The following USH2A variants were observed in gnomAD, a reference collection of about 807,000 sequenced individuals.
USH2A encodes usherin.
In USH2A, 443 loss-of-function variants were observed where a neutral mutation model predicts 538.9. That is an observed-to-expected ratio of 0.82 (90% CI 0.76 to 0.89). The LOEUF (loss-of-function observed/expected upper bound fraction) is 0.89, where lower values mean the gene tolerates loss of function less well. USH2A is among the 40% of genes least tolerant of loss of function. The pLI is 0.00. For synonymous variants in USH2A, 2,413 were observed against 2,273.5 expected, an observed-to-expected ratio of 1.06 and a Z score of -1.75; for missense variants, 6,633 against 6,324.8, an observed-to-expected ratio of 1.05 and a Z score of -1.65.
chr1:216,156,955 C>T (rs2033958345), intron 21 of USH2A, among the ~76,000 whole-genome samples: 1 of 151,374 alleles, frequency 6.6e-6, no homozygotes, highest in Non-Finnish European at 1.5e-5. Flanking sequence ...CTCACTGCAA[C>T]CCCTGCCTCC....
chr1:216,404,848 T>G (rs111340996), intron 3 of USH2A, among the ~76,000 whole-genome samples: 9,352 of 151,868 alleles, frequency 0.062, 747 homozygotes, highest in African/African-American at 0.18. Flanking sequence ...GGTCTCAAAC[T>G]CCAGAGCTCA....
At chr1:216,037,145 GA>G (rs2030021684) in intron 32 of USH2A, among the ~76,000 whole-genome samples, 1 of 151,896 alleles carries the variant, frequency 6.6e-6, no homozygotes, top group South Asian at 2.1e-4. Context: ...TTAAGATTAG[GA>G]AACGAAAAGA....
At chr1:215,669,260 A>C (rs1657734439) in intron 64 of USH2A, among the ~76,000 whole-genome samples, 1 of 152,188 alleles carries the variant, frequency 6.6e-6, no homozygotes, top group Non-Finnish European at 1.5e-5. Flanking sequence ...GAGACTAGAT[A>C]ACTGACAGCT....
At chr1:215,984,752 A>C (rs2102469738) in intron 35 of USH2A, among the ~76,000 whole-genome samples, 1 of 152,336 alleles carries the variant, frequency 6.6e-6, no homozygotes, top group South Asian at 2.1e-4. Context: ...TCATAAAAAT[A>C]ACATGTGTAG....
intron 13 of USH2A, among the ~76,000 whole-genome samples, chr1:216,232,571 T>C (rs1475078742): frequency 6.6e-6 from 1 of 152,230 alleles, no homozygotes; most frequent in Non-Finnish European, 1.5e-5. Flanking sequence ...GTGCAGCCCA[T>C]GCAGCATTTG....
intron 13 of USH2A, among the ~76,000 whole-genome samples, chr1:216,242,694 T>C (rs949297209): frequency 1.3e-5 from 2 of 152,168 alleles, no homozygotes; most frequent in African/African-American, 2.4e-5. Flanking sequence ...AATATAAACA[T>C]GGCTACCCAG....
intron 3 of USH2A, among the ~76,000 whole-genome samples, chr1:216,369,573 C>T (rs1438717844): frequency 6.6e-6 from 1 of 152,004 alleles, no homozygotes; most frequent in Non-Finnish European, 1.5e-5. Flanking sequence ...TCCAATAATC[C>T]TTTGCCACCT....
At chr1:216,248,083 T>A (rs1383765453) in intron 12 of USH2A, among the ~76,000 whole-genome samples, 1 of 152,096 alleles carries the variant, frequency 6.6e-6, no homozygotes, top group Non-Finnish European at 1.5e-5. Flanking sequence ...CATTTTCAAT[T>A]AATATAAATC....
chr1:215,790,369 A>G, intron 50 of USH2A, 87 bp from the exon 51 acceptor site: 1 of 1,457,670 alleles, frequency 6.9e-7, no homozygotes, highest in Non-Finnish European at 9.5e-7. Context: ...TAAAAATGTC[A>G]GGCTCAGGCA....
intron 30 of USH2A, among the ~76,000 whole-genome samples, chr1:216,053,202 G>C (rs557244588): frequency 1.3e-5 from 2 of 152,232 alleles, no homozygotes; most frequent in Admixed American, 1.3e-4. Context: ...ACCAGTTCAA[G>C]ATAATAGGAA....
At chr1:216,359,474 A>G (rs569566052) in intron 4 of USH2A, among the ~76,000 whole-genome samples, 31 of 152,248 alleles carry the variant, frequency 2.0e-4, no homozygotes, top group African/African-American at 7.5e-4. Flanking sequence ...TGATCAAAGA[A>G]GCACACCTGG....
intron 21 of USH2A, among the ~76,000 whole-genome samples, chr1:216,115,269 G>C (rs2032978763): frequency 6.6e-6 from 1 of 152,068 alleles, no homozygotes; most frequent in Non-Finnish European, 1.5e-5. Context: ...AGCCTCCTGA[G>C]TAGCTGGGAC....
chr1:216,141,123 C>G (rs1361148361), intron 21 of USH2A, among the ~76,000 whole-genome samples: 2 of 152,142 alleles, frequency 1.3e-5, no homozygotes, highest in East Asian at 3.8e-4. Context: ...CAAATAGATT[C>G]TGTTATTTGG....
rs1553299079 is a variant in USH2A at position 216,078,262 on chromosome 1, C to T, written c.5399G>A (p.Trp1800Ter). Residue 1800 changes from tryptophan to a stop codon, truncating the protein, a stop_gained, in exon 27 of 72, where the codon TGG becomes TAG. Transcript: ENST00000307340. LOFTEE classifies it high-confidence loss of function. Reference protein sequence around the residue: ...LLGLSYCNGKWNKVIIKKEGS... With the variant: ...LLGLSYCNGK ...TTCCTTTTTAATAATGACTTTATTC[C>T]ACTTTCCATTACAATAGGATAGCCC... 1.2e-6 allele frequency: 2 copies of T among 1,613,674 alleles called. No homozygotes were observed. Among genetic ancestry groups the T allele is most frequent in the African/African-American group, 2.7e-5 (2 of 74,902 alleles).
chr1:216,053,252 A>G (rs1249967960), intron 30 of USH2A, among the ~76,000 whole-genome samples: 1 of 150,752 alleles, frequency 6.6e-6, no homozygotes, highest in Non-Finnish European at 1.5e-5. Flanking sequence ...GTATTATATT[A>G]AAAAGAATAC....
intron 32 of USH2A, among the ~76,000 whole-genome samples, chr1:216,043,829 A>G (rs1383317419): frequency 1.3e-5 from 2 of 152,018 alleles, no homozygotes; most frequent in Non-Finnish European, 2.9e-5. Context: ...TAGCTGCACC[A>G]CTTCCCTGTG....
intron 1 of USH2A, 80 bp downstream of exon 1, chr1:216,423,134 C>T (rs1488124998): frequency 6.6e-6 from 1 of 152,166 alleles, no homozygotes; most frequent in East Asian, 1.9e-4. Flanking sequence ...TGTGTTTCCT[C>T]ATATGACTAT....
At chr1:215,635,280 G>A (rs1191519763) in intron 69 of USH2A, among the ~76,000 whole-genome samples, 1 of 152,044 alleles carries the variant, frequency 6.6e-6, no homozygotes, top group African/African-American at 2.4e-5. Context: ...TCTTTACATG[G>A]CCTCTCTGTT....
In USH2A at chr1:215,989,341, A is replaced by C. The variant is rs139524596; in HGVS notation, c.6805+3679T>G. Among the ~76,000 whole-genome samples the C allele has an allele frequency of 3.0e-3, 455 of 152,236 alleles. 1 individual carries two copies. Among genetic ancestry groups the C allele is most frequent in the Admixed American group, 5.1e-3 (78 of 15,290 alleles). Reference sequence around the variant, plus strand: ...CTGCAACATCTTCGTGAGGATGCAGAGGGATGACATGTCCACATCTCATAG... The same window carrying C: ...CTGCAACATCTTCGTGAGGATGCAGCGGGATGACATGTCCACATCTCATAG... On this transcript the variant is annotated intron_variant, in intron 35 of 71. Coordinates refer to ENST00000307340, the MANE Select transcript of USH2A (RefSeq NM_206933.4).
Sources: gnomAD v4.1 joint callset for allele counts (sites outside exome capture counted in the v4.1 genomes callset) on GRCh38, gnomAD v4.1.1 for gene constraint, MANE v1.5 for transcripts, NCBI Gene and HGNC (gene_info 2026-07-23, HGNC 2026-07-21) for gene names.